The following STXBP5 variants were observed in gnomAD, a reference collection of about 807,000 sequenced individuals.
The protein encoded by STXBP5 is syntaxin binding protein 5.
In STXBP5, 50 loss-of-function variants were observed where a neutral mutation model predicts 152.4. The ratio of observed to expected loss-of-function variants is 0.33; its 90% CI spans 0.26 to 0.42. The LOEUF (loss-of-function observed/expected upper bound fraction) is 0.42, where lower values mean the gene tolerates loss of function less well. Ranked by LOEUF, STXBP5 falls within the 10% of genes least tolerant of loss-of-function variation. The pLI, the probability that STXBP5 is intolerant of heterozygous loss-of-function variation, is 1.00. For missense variants in STXBP5, 1,167 were observed against 1,388.6 expected (o/e 0.84, Z 2.54); for synonymous variants, 492 against 494.7 (o/e 0.99, Z 0.07).
intron 19 of STXBP5, among the ~76,000 whole-genome samples, chr6:147,337,057 A>T (rs996009897): frequency 1.3e-5 from 2 of 152,022 alleles, no homozygotes; most frequent in African/African-American, 4.8e-5. Context: ...GAACATATGC[A>T]TCCTGAACGA....
intron 22 of STXBP5, 42 bp downstream of exon 22, chr6:147,353,415 T>C: frequency 7.4e-7 from 1 of 1,355,832 alleles, no homozygotes; most frequent in Non-Finnish European, 1.0e-6. Context: ...CTCCCTATAA[T>C]GGGAAGACAA....
chr6:147,216,938 A>T (rs1186261017), intron 2 of STXBP5, among the ~76,000 whole-genome samples: 1 of 152,370 alleles, frequency 6.6e-6, no homozygotes, highest in East Asian at 1.9e-4. Context: ...GTTTTAAACA[A>T]TTGGAGGTGT....
chr6:147,277,034 G>A (rs1370027186), intron 7 of STXBP5, among the ~76,000 whole-genome samples: 3 of 152,026 alleles, frequency 2.0e-5, no homozygotes, highest in African/African-American at 7.2e-5. Flanking sequence ...TTTGACTTAT[G>A]ATGAGTTTAT....
chr6:147,364,720 G>C (rs368829335), intron 25 of STXBP5, among the ~76,000 whole-genome samples: 1 of 152,106 alleles, frequency 6.6e-6, no homozygotes, highest in Non-Finnish European at 1.5e-5. Flanking sequence ...GTGTGTATTC[G>C]AAGTGATCAG....
At chr6:147,331,805 T>TAAAAAAAAAA (rs758010688) in intron 18 of STXBP5, among the ~76,000 whole-genome samples, 18 of 115,366 alleles carry the variant, frequency 1.6e-4, no homozygotes, top group East Asian at 4.7e-4. Flanking sequence ...TTCTACCAGT[T>TAAAAAAAAAA]AAAAAAAAAA....
Position 147,303,758 on chromosome 6 carries a change from A to G in STXBP5, c.918-6326A>G, listed in dbSNP as rs1029036656. On this transcript the variant is annotated intron_variant, in intron 9 of 27. Transcript: ENST00000321680. ...GAATGGGTTTGACCAAAATGCTGATAGTGATGTGGACAGTGAAGTCCAGGC... is the reference window on the plus strand; with the variant it reads ...GAATGGGTTTGACCAAAATGCTGATGGTGATGTGGACAGTGAAGTCCAGGC... 2.0e-5 allele frequency among the ~76,000 whole-genome samples: 3 copies of G among 152,174 alleles called. No individual in the cohort carries two copies. The South Asian group carries it at 6.2e-4, about 31-fold the overall frequency.
intron 21 of STXBP5, among the ~76,000 whole-genome samples, chr6:147,352,486 G>A (rs556696341): frequency 3.9e-5 from 6 of 152,100 alleles, no homozygotes; most frequent in East Asian, 3.9e-4. Flanking sequence ...TGGCTTGCAC[G>A]TGTAATCCCA....
chr6:147,272,928 A>G (rs928172027), intron 7 of STXBP5, among the ~76,000 whole-genome samples: 8 of 152,112 alleles, frequency 5.3e-5, no homozygotes, highest in African/African-American at 1.7e-4. Context: ...TTGTGTCTCA[A>G]TGATAGATTT....
At chr6:147,218,771 G>T (rs998750549) in intron 2 of STXBP5, among the ~76,000 whole-genome samples, 1 of 152,218 alleles carries the variant, frequency 6.6e-6, no homozygotes, top group African/African-American at 2.4e-5. Context: ...CTGTGCCTGG[G>T]TGTGAATGAG....
chr6:147,320,593 G>GTGTA (rs1364064923), intron 16 of STXBP5, among the ~76,000 whole-genome samples: 19 of 149,528 alleles, frequency 1.3e-4, no homozygotes, highest in African/African-American at 4.5e-4. Flanking sequence ...GTGTGTGTGT[G>GTGTA]TACACATGCT....
chr6:147,339,455 T>G (rs1429325824), intron 21 of STXBP5, 71 bp downstream of exon 21: 37 of 1,137,734 alleles, frequency 3.3e-5, no homozygotes, highest in Non-Finnish European at 4.0e-5. Flanking sequence ...ACCAGAATTA[T>G]CCAGTGCATT....
chr6:147,351,802 T>G (rs1784599705), intron 21 of STXBP5: 2 of 982,124 alleles, frequency 2.0e-6, no homozygotes, highest in Non-Finnish European at 2.4e-6. Flanking sequence ...CTAATGCCTC[T>G]TTCCTAACAC....
chr6:147,238,085 C>G (rs1444313862), intron 3 of STXBP5, among the ~76,000 whole-genome samples: 1 of 152,134 alleles, frequency 6.6e-6, no homozygotes, highest in African/African-American at 2.4e-5. Flanking sequence ...TAGGTCTTTG[C>G]TCTGTGTCTT....
chr6:147,269,745 A>G (rs546242757), intron 7 of STXBP5, among the ~76,000 whole-genome samples: 1 of 152,168 alleles, frequency 6.6e-6, no homozygotes, highest in Non-Finnish European at 1.5e-5. Context: ...CTGCCAAAGG[A>G]TTAATACGCT....
In STXBP5 at chr6:147,327,334, C is replaced by T. The variant is rs554374355; in HGVS notation, c.2080+58C>T. 60 of 1,560,218 alleles carry T rather than the reference C, an allele frequency of 3.8e-5. No homozygotes were observed. The South Asian group carries it at 7.1e-4, about 19-fold the overall frequency. Reference sequence around the variant, plus strand: ...TAGGATTTCTATAAATGCTGGCTTACTTTTGTGAATATAAGTATTATAGTT... The same window carrying T: ...TAGGATTTCTATAAATGCTGGCTTATTTTTGTGAATATAAGTATTATAGTT... On this transcript the variant is annotated intron_variant, in intron 18 of 27. Transcript: ENST00000321680.
At chr6:147,234,269 CA>C (rs1319473351) in intron 2 of STXBP5, among the ~76,000 whole-genome samples, 6 of 151,954 alleles carry the variant, frequency 3.9e-5, no homozygotes, top group African/African-American at 1.4e-4. Flanking sequence ...ATTAGTTTAG[CA>C]GCCAGTTAAA....
At chr6:147,353,181 C>A in intron 21 of STXBP5, 142 bp from the exon 22 acceptor site, 1 of 519,648 alleles carries the variant, frequency 1.9e-6, no homozygotes, top group Non-Finnish European at 3.4e-6. Context: ...GATTTACTTT[C>A]CACTCCTAAT....
At chr6:147,365,319 G>A (rs1035177310) in intron 25 of STXBP5, among the ~76,000 whole-genome samples, 16 of 152,178 alleles carry the variant, frequency 1.1e-4, no homozygotes, top group African/African-American at 3.1e-4. Flanking sequence ...GTTTTCTGTC[G>A]GAAGGATAAA....
At chr6:147,382,635 ATGTAT>A in intron 26 of STXBP5, 138 bp from the exon 27 acceptor site, 1 of 788,130 alleles carries the variant, frequency 1.3e-6, no homozygotes, top group Non-Finnish European at 2.0e-6. Flanking sequence ...AAAAGAAAGC[ATGTAT>A]TAAGCATATT....
Sources: gnomAD v4.1 joint callset for allele counts (sites outside exome capture counted in the v4.1 genomes callset) on GRCh38, gnomAD v4.1.1 for gene constraint, MANE v1.5 for transcripts, NCBI Gene and HGNC (gene_info 2026-07-23, HGNC 2026-07-21) for gene names.